Variants in ADK observed in about 807,000 individuals in gnomAD.
ADK encodes the protein N6,N6-dimethyladenosine kinase.
In ADK, 24 loss-of-function variants were observed where a neutral mutation model predicts 44.7. The observed-to-expected ratio is 0.54, with a 90% CI of 0.39 to 0.76. The LOEUF (loss-of-function observed/expected upper bound fraction) is 0.76. Ranked by LOEUF, ADK falls within the 30% of genes least tolerant of loss-of-function variation. The probability of loss-of-function intolerance (pLI) is 0.00; values close to 1 mark genes in which losing one functional copy is unlikely to be tolerated. For missense variants in ADK, 321 were observed against 425.1 expected (o/e 0.76, Z 2.15); for synonymous variants, 128 against 142.6 (o/e 0.90, Z 0.73).
At chr10:74,395,778 G>A (rs1165019859) in intron 5 of ADK, among the ~76,000 whole-genome samples, 1 of 152,172 alleles carries the variant, frequency 6.6e-6, no homozygotes, top group East Asian at 1.9e-4. Flanking sequence ...CAGCACTTTG[G>A]GAGGCCGAGT....
rs202034589 is a variant in ADK, at chr10:74,574,360, G to A, written c.727-14922G>A. ...TAATTTTTGTATTTTTAGTAGAGAC[G>A]GGGTTTCACCTTGTTGGCCAGGATG... On this transcript the variant is annotated intron_variant, in intron 7 of 10. Coordinates refer to ENST00000539909, the MANE Select transcript of ADK (RefSeq NM_006721.4). Among the ~76,000 whole-genome samples the A allele has an allele frequency of 5.9e-5, 9 of 151,830 alleles. No homozygotes were observed. In the East Asian group the frequency reaches 9.7e-4, roughly 16 times the overall value.
chr10:74,343,061 A>C (rs1165570211), intron 4 of ADK, among the ~76,000 whole-genome samples: 1 of 152,126 alleles, frequency 6.6e-6, no homozygotes, highest in Admixed American at 6.5e-5. Context: ...CTTGTTTCTC[A>C]TATAGGGGGA....
intron 1 of ADK, among the ~76,000 whole-genome samples, chr10:74,191,735 A>G (rs1564582999): frequency 6.6e-6 from 1 of 152,186 alleles, no homozygotes; most frequent in African/African-American, 2.4e-5. Context: ...TCGGTGTTAT[A>G]CAATAGTATT....
chr10:74,211,984 C>A (rs1843829907), intron 2 of ADK, among the ~76,000 whole-genome samples: 1 of 152,080 alleles, frequency 6.6e-6, no homozygotes, highest in Non-Finnish European at 1.5e-5. Context: ...TATTTGACTA[C>A]CTTGTGACCT....
chr10:74,357,879 C>T (rs549182595), intron 4 of ADK, among the ~76,000 whole-genome samples: 112 of 151,724 alleles, frequency 7.4e-4, no homozygotes, highest in African/African-American at 1.5e-3. Context: ...TATCTGGTGG[C>T]GAAATTATAT....
chr10:74,229,676 C>A (rs1041543692), intron 3 of ADK, among the ~76,000 whole-genome samples: 1 of 152,072 alleles, frequency 6.6e-6, no homozygotes, highest in Admixed American at 6.5e-5. Flanking sequence ...GGATTACGGG[C>A]GTGAGCCACC....
chr10:74,691,030 A>G (rs1343892753), intron 10 of ADK, among the ~76,000 whole-genome samples: 1 of 152,212 alleles, frequency 6.6e-6, no homozygotes, highest in African/African-American at 2.4e-5. Flanking sequence ...CCCTTTCCTA[A>G]AGCAGCTAGA....
rs575246875 is a variant in ADK at position 74,159,774 on chromosome 10, G to A, written c.65+8431G>A. ...TGCCCAGCTACTTTTTGTATTTTTAGTAGAGACAGGGTTTCACAATGTTGG... is the reference window on the plus strand; with the variant it reads ...TGCCCAGCTACTTTTTGTATTTTTAATAGAGACAGGGTTTCACAATGTTGG... On this transcript the variant is annotated intron_variant, in intron 1 of 10. Transcript: ENST00000539909. Among the ~76,000 whole-genome samples, 41 of 152,128 alleles carry A rather than the reference G, an allele frequency of 2.7e-4. No individual in the cohort carries two copies. In the South Asian group the frequency reaches 5.8e-3, roughly 22 times the overall value.
chr10:74,281,377 T>A (rs139966087), intron 3 of ADK, among the ~76,000 whole-genome samples: 2 of 152,236 alleles, frequency 1.3e-5, no homozygotes, highest in Non-Finnish European at 2.9e-5. Context: ...AGCCAGTTCA[T>A]TGGGGGAAGT....
chr10:74,539,746 T>C (rs1156298525), intron 7 of ADK, among the ~76,000 whole-genome samples: 1 of 152,136 alleles, frequency 6.6e-6, no homozygotes, highest in Non-Finnish European at 1.5e-5. Flanking sequence ...TCTGACATAG[T>C]TGTATTTTCT....
chr10:74,421,734 G>A (rs1844563162), intron 6 of ADK, among the ~76,000 whole-genome samples: 1 of 152,018 alleles, frequency 6.6e-6, no homozygotes, highest in Admixed American at 6.6e-5. Flanking sequence ...AGTGCCAGAA[G>A]GCAAGAGATT....
At chr10:74,401,608 C>T (rs1843716205) in intron 6 of ADK, among the ~76,000 whole-genome samples, 2 of 151,974 alleles carry the variant, frequency 1.3e-5, no homozygotes, top group Non-Finnish European at 2.9e-5. Context: ...GATCTTCCTC[C>T]ATCCCTTTAT....
At chr10:74,448,882 TA>T (rs528892869) in intron 6 of ADK, among the ~76,000 whole-genome samples, 2,573 of 148,370 alleles carry the variant, frequency 0.017, 66 homozygotes, top group African/African-American at 0.056. Context: ...CTGCCTTTTT[TA>T]AAAAAAAAAA....
intron 4 of ADK, among the ~76,000 whole-genome samples, chr10:74,329,746 G>T (rs1245722830): frequency 6.6e-6 from 1 of 152,066 alleles, no homozygotes; most frequent in African/African-American, 2.4e-5. Flanking sequence ...CAAAATAAGA[G>T]AAAAACTTAG....
At chr10:74,456,031 T>G (rs1845932601) in intron 6 of ADK, among the ~76,000 whole-genome samples, 1 of 152,122 alleles carries the variant, frequency 6.6e-6, no homozygotes, top group Non-Finnish European at 1.5e-5. Flanking sequence ...GCACCCAGAT[T>G]CATAAAGCAA....
intron 6 of ADK, among the ~76,000 whole-genome samples, chr10:74,513,933 G>C (rs1423444559): frequency 6.6e-6 from 1 of 152,152 alleles, no homozygotes; most frequent in African/African-American, 2.4e-5. Flanking sequence ...ATATTTTCAT[G>C]ATGGTGATTA....
intron 4 of ADK, among the ~76,000 whole-genome samples, chr10:74,363,373 A>G (rs1241328077): frequency 6.6e-6 from 1 of 152,078 alleles, no homozygotes; most frequent in East Asian, 1.9e-4. Context: ...CACATACAGG[A>G]TATTTCCCCA....
intron 3 of ADK, among the ~76,000 whole-genome samples, chr10:74,286,367 A>G (rs927444960): frequency 6.6e-6 from 1 of 152,168 alleles, no homozygotes; most frequent in African/African-American, 2.4e-5. Flanking sequence ...AGTGTTTTTT[A>G]AAACATCCTG....
intron 10 of ADK, among the ~76,000 whole-genome samples, chr10:74,691,858 A>G (rs371365822): frequency 9.2e-5 from 14 of 152,128 alleles, no homozygotes; most frequent in Non-Finnish European, 1.2e-4. Context: ...TCCTGAGGTT[A>G]TATGTGTGGC....
Sources: gnomAD v4.1 joint callset for allele counts (sites outside exome capture counted in the v4.1 genomes callset) on GRCh38, gnomAD v4.1.1 for gene constraint, MANE v1.5 for transcripts, NCBI Gene and HGNC (gene_info 2026-07-23, HGNC 2026-07-21) for gene names.